THADA: variants seen among roughly 807,000 people sequenced by gnomAD.
THADA encodes the protein THADA armadillo repeat containing.
Under a neutral mutation model 219.8 loss-of-function variants are expected in THADA, and 213 were observed. The observed-to-expected ratio is 0.97, with a 90% CI of 0.87 to 1.09. THADA has a LOEUF of 1.09. Among genes scored for constraint, THADA ranks in the 50% least tolerant of loss-of-function variants. The pLI is 0.00. For missense variants in THADA, 2,956 were observed against 2,311.3 expected (o/e 1.28, Z -5.72); for synonymous variants, 1,018 against 828.9 (o/e 1.23, Z -3.92).
At chr2:43,502,969 T>C (rs762105752) in intron 24 of THADA, among the ~76,000 whole-genome samples, 7 of 152,086 alleles carry the variant, frequency 4.6e-5, no homozygotes, top group Admixed American at 2.0e-4. Flanking sequence ...AATAAACATA[T>C]GAAAAGATGT....
At chr2:43,375,361 G>C (rs1671254259) in intron 29 of THADA, among the ~76,000 whole-genome samples, 1 of 152,118 alleles carries the variant, frequency 6.6e-6, no homozygotes, top group Non-Finnish European at 1.5e-5. Context: ...ACTATCAATG[G>C]AGCAATAAAC....
At chr2:43,527,767 C>G in intron 22 of THADA, 112 bp downstream of exon 22, 2 of 685,144 alleles carry the variant, frequency 2.9e-6, no homozygotes, top group Non-Finnish European at 4.9e-6. Context: ...GTTTTGTAGT[C>G]AACCAGGTCT....
At chr2:43,355,584 C>G (rs1422017742) in intron 29 of THADA, among the ~76,000 whole-genome samples, 1 of 152,174 alleles carries the variant, frequency 6.6e-6, no homozygotes, top group Non-Finnish European at 1.5e-5. Flanking sequence ...CCAAGGCCAA[C>G]GTCAAGGTTT....
intron 16 of THADA, among the ~76,000 whole-genome samples, chr2:43,558,687 G>A (rs1413198591): frequency 1.3e-5 from 2 of 152,172 alleles, no homozygotes; most frequent in Admixed American, 1.3e-4. Context: ...TCAGCTTGCA[G>A]AGGGCTATTG....
At chr2:43,393,707 T>TAA (rs34360060) in intron 29 of THADA, among the ~76,000 whole-genome samples, 3 of 132,826 alleles carry the variant, frequency 2.3e-5, no homozygotes, top group Admixed American at 1.5e-4. Flanking sequence ...GACTCCGTCT[T>TAA]AAAAAAAAAA....
chr2:43,521,746 C>G (rs1692516832), intron 22 of THADA, among the ~76,000 whole-genome samples: 1 of 152,204 alleles, frequency 6.6e-6, no homozygotes, highest in Non-Finnish European at 1.5e-5. Context: ...ATCCACAGAG[C>G]TATCTCACTC....
intron 22 of THADA, among the ~76,000 whole-genome samples, chr2:43,513,373 G>C (rs74448481): frequency 0.021 from 3,208 of 152,252 alleles, 41 homozygotes; most frequent in African/African-American, 0.044. Flanking sequence ...AATCATCTGG[G>C]TAAAAATGAA....
Position 43,294,592 on chromosome 2 carries a change from C to G in THADA, c.4439-1379G>C, listed in dbSNP as rs548771944. ...CCTAGACAATGTGAAGCAGCTAGTT[C>G]TGTATGCAACGGAATGCCACTGGGG... On this transcript the variant is annotated intron_variant, in intron 31 of 37. Transcript: ENST00000405975. Among the ~76,000 whole-genome samples, 31 of 152,280 alleles carry G rather than the reference C, an allele frequency of 2.0e-4. 1 individual carries two copies. The South Asian group carries it at 6.4e-3, about 32-fold the overall frequency.
intron 31 of THADA, among the ~76,000 whole-genome samples, chr2:43,314,985 G>C (rs1677916353): frequency 6.6e-6 from 1 of 152,146 alleles, no homozygotes; most frequent in Admixed American, 6.5e-5. Context: ...AATCTTCTCT[G>C]CCTTTCTCCT....
intron 26 of THADA, among the ~76,000 whole-genome samples, chr2:43,477,938 T>C (rs920683427): frequency 3.3e-5 from 5 of 152,226 alleles, no homozygotes; most frequent in African/African-American, 1.2e-4. Flanking sequence ...TCTCTACCTA[T>C]TGAAATCCTG....
chr2:43,546,653 T>C (rs1281772824), intron 20 of THADA, among the ~76,000 whole-genome samples: 2 of 152,144 alleles, frequency 1.3e-5, no homozygotes, highest in South Asian at 2.1e-4. Flanking sequence ...TTGATCTTTG[T>C]TGGTTTAAAG....
chr2:43,484,815 A>G (rs568827035), intron 26 of THADA, among the ~76,000 whole-genome samples: 13 of 152,170 alleles, frequency 8.5e-5, no homozygotes, highest in East Asian at 1.9e-4. Flanking sequence ...AATGTGAGAG[A>G]TGTTCTAATG....
At chr2:43,566,869 G>T (rs577995404) in intron 14 of THADA, 48 bp from the exon 15 acceptor site, 8 of 1,324,180 alleles carry the variant, frequency 6.0e-6, no homozygotes, top group Middle Eastern at 2.6e-4. Context: ...CGTCACAATA[G>T]GTTATATTCA....
At chr2:43,390,602 G>A (rs1172824606) in intron 29 of THADA, among the ~76,000 whole-genome samples, 2 of 152,066 alleles carry the variant, frequency 1.3e-5, no homozygotes, top group East Asian at 1.9e-4. Flanking sequence ...CCGCAGCAAC[G>A]ATTACCTTCT....
chr2:43,448,902 A>G (rs1384031762), intron 26 of THADA, among the ~76,000 whole-genome samples: 1 of 152,094 alleles, frequency 6.6e-6, no homozygotes, highest in Non-Finnish European at 1.5e-5. Context: ...AACAACAACA[A>G]AACAAACAAA....
intron 31 of THADA, among the ~76,000 whole-genome samples, chr2:43,303,600 G>C (rs1004327536): frequency 6.6e-6 from 1 of 151,854 alleles, no homozygotes; most frequent in East Asian, 1.9e-4. Context: ...TTTAAAAGAT[G>C]CATGTTAATC....
At position 43,378,885 on chromosome 2, in the gene THADA, C is replaced by T. The variant is rs968629651; in HGVS notation, c.4227+19086G>A. On this transcript the variant is annotated intron_variant, in intron 29 of 37. Transcript: ENST00000405975. ...CCTCCCAAAGTGCTGGGATTGCAGA[C>T]GTGAGCCATCGCACCAGCCTAATAA... Among the ~76,000 whole-genome samples, 11 of 152,266 alleles carry T rather than the reference C, an allele frequency of 7.2e-5. No homozygotes were observed. The East Asian group carries it at 1.4e-3, about 19-fold the overall frequency.
At chr2:43,365,042 C>T (rs981732930) in intron 29 of THADA, among the ~76,000 whole-genome samples, 11 of 151,172 alleles carry the variant, frequency 7.3e-5, no homozygotes, top group Non-Finnish European at 1.3e-4. Context: ...ACTGCAACCT[C>T]CGCCTCCCGA....
At chr2:43,366,198 C>A (rs999403911) in intron 29 of THADA, among the ~76,000 whole-genome samples, 4 of 152,138 alleles carry the variant, frequency 2.6e-5, no homozygotes, top group Non-Finnish European at 4.4e-5. Context: ...TTGGCACATA[C>A]ATATTTAGCA....
Sources: gnomAD v4.1 joint callset for allele counts (sites outside exome capture counted in the v4.1 genomes callset) on GRCh38, gnomAD v4.1.1 for gene constraint, MANE v1.5 for transcripts, NCBI Gene and HGNC (gene_info 2026-07-23, HGNC 2026-07-21) for gene names.